ARFGEF3: variants seen among roughly 807,000 people sequenced by gnomAD.
ARFGEF3 encodes the protein brefeldin A-inhibited guanine nucleotide-exchange protein 3.
In ARFGEF3, 96 loss-of-function variants were observed where a neutral mutation model predicts 221.7. The ratio of observed to expected loss-of-function variants is 0.43; its 90% CI spans 0.37 to 0.51. The LOEUF is 0.51. Ranked by LOEUF, ARFGEF3 falls within the 20% of genes least tolerant of loss-of-function variation. The pLI is 0.00. For synonymous variants in ARFGEF3, 1,145 were observed against 1,126.8 expected, an observed-to-expected ratio of 1.02 and a Z score of -0.32; for missense variants, 2,410 against 2,789.9, an observed-to-expected ratio of 0.86 and a Z score of 3.07.
chr6:138,231,713 G>C (rs537593769), intron 5 of ARFGEF3, among the ~76,000 whole-genome samples: 12 of 152,270 alleles, frequency 7.9e-5, no homozygotes, highest in African/African-American at 2.9e-4. Context: ...TTCTCTTCCT[G>C]CTTACTTTTG....
chr6:138,197,176 A>G (rs961697706), intron 2 of ARFGEF3, among the ~76,000 whole-genome samples: 3 of 150,810 alleles, frequency 2.0e-5, no homozygotes, highest in Non-Finnish European at 3.0e-5. Context: ...GTTAAGAACC[A>G]GGACACAAAC....
At chr6:138,321,428 G>A (rs1562215428) in intron 29 of ARFGEF3, among the ~76,000 whole-genome samples, 1 of 152,198 alleles carries the variant, frequency 6.6e-6, no homozygotes, top group African/African-American at 2.4e-5. Flanking sequence ...ATTATACAAA[G>A]TATTCTGGTT....
rs1780157599 is a variant in ARFGEF3 at position 138,328,058 on chromosome 6, C to T, written c.5039C>T (p.Pro1680Leu). 1 of 1,557,652 alleles carries T rather than the reference C, an allele frequency of 6.4e-7. No individual in the cohort carries two copies. The highest frequency in any genetic ancestry group is 1.4e-5 in the African/African-American group (1 of 73,382). Reference protein sequence around the residue: ...MLDTQCSPKTPNNFDHAQSCQ... With the variant: ...MLDTQCSPKTLNNFDHAQSCQ... ...GACACCCAGTGCTCACCAAAGACAC[C>T]AAACAACTTTGACCACGCTCAGTCC... Residue 1680 changes from proline to leucine, a missense_variant, in exon 32 of 34, where the codon CCA becomes CTA. By Grantham distance (98) the Pro-to-Leu change is moderately conservative. This residue lies in a region of ARFGEF3 where 723 missense variants were observed against 991.9 expected (regional missense o/e 0.73). Transcript: ENST00000251691.
At chr6:138,213,287 C>CA (rs36044450) in intron 4 of ARFGEF3, among the ~76,000 whole-genome samples, 9,496 of 90,232 alleles carry the variant, frequency 0.11, 896 homozygotes, top group African/African-American at 0.25. Context: ...GACTCCATCT[C>CA]AAAAAAAAAA....
intron 8 of ARFGEF3, among the ~76,000 whole-genome samples, chr6:138,249,868 T>C (rs1207885391): frequency 6.6e-6 from 1 of 152,208 alleles, no homozygotes; most frequent in African/African-American, 2.4e-5. Flanking sequence ...GGGGGCCTTT[T>C]GCTAAAGATG....
In ARFGEF3 at chr6:138,343,468, GTTT is replaced by G. The variant is rs758784701; in HGVS notation, c.*6990_*6992del. 19 of 142,800 alleles carry G rather than the reference GTTT, an allele frequency of 1.3e-4. No homozygotes were observed. The highest frequency in any genetic ancestry group is 5.0e-4 in the African/African-American group (18 of 36,088). The allele number at this position is 142,800 out of a possible 1,614,324, so 8.8% of individuals were successfully genotyped here. A position where few individuals can be genotyped will look rare whatever the true frequency, so the allele number is the denominator to read the frequency against. ...ATGGAAATAAGGGTGTTTTTTTTTG[GTTT>G]TTTTTTTACTTTAGTTTCCCATAAT... On this transcript the variant is annotated 3_prime_UTR_variant, in exon 34 of 34. Coordinates refer to ENST00000251691, the MANE Select transcript of ARFGEF3 (RefSeq NM_020340.5).
chr6:138,336,643 G>C lies in ARFGEF3; in HGVS notation c.*157G>C. The stretch of plus-strand genomic sequence containing the variant: ...AATGTAAAAAGCCTTTCCAACCACT[G>C]ATCAGCATTGGGGCCATACTAAGGT... On this transcript the variant is annotated 3_prime_UTR_variant, in exon 34 of 34. Transcript: ENST00000251691. The C allele has an allele frequency of 1.8e-6, 1 of 550,498 alleles. No individual in the cohort carries two copies. Among genetic ancestry groups the C allele is most frequent in the Non-Finnish European group, 3.1e-6 (1 of 321,104 alleles). The allele number at this position is 550,498 out of a possible 1,614,324, so 34.1% of individuals were successfully genotyped here.
chr6:138,292,555 C>T (rs920924277), intron 19 of ARFGEF3, among the ~76,000 whole-genome samples: 1 of 152,240 alleles, frequency 6.6e-6, no homozygotes, highest in Non-Finnish European at 1.5e-5. Context: ...ATCGCCTCAA[C>T]TGTTTGGTGG....
intron 31 of ARFGEF3, 78 bp downstream of exon 31, chr6:138,324,232 C>A: frequency 6.6e-7 from 1 of 1,520,682 alleles, no homozygotes; most frequent in Non-Finnish European, 8.9e-7. Context: ...GAAGGTCTCG[C>A]ATCACCAAAT....
At position 138,291,684 on chromosome 6, in the gene ARFGEF3, C is replaced by T; in HGVS notation, c.3048-49C>T. 1.6e-6 allele frequency: 2 copies of T among 1,263,988 alleles called. No individual in the cohort carries two copies. Among genetic ancestry groups the T allele is most frequent in the East Asian group, 3.1e-5 (1 of 31,954 alleles). 78.3% of individuals were successfully genotyped at this position (1,263,988 alleles called of 1,614,324 possible). A position where few individuals can be genotyped will look rare whatever the true frequency, so the allele number is the denominator to read the frequency against. On this transcript the variant is annotated intron_variant, in intron 18 of 33. Coordinates refer to ENST00000251691, the MANE Select transcript of ARFGEF3 (RefSeq NM_020340.5). This position sits in a 1 kb window ranked among gnomAD's most constrained non-coding sequence, Gnocchi z 4.5. ...TGGCACTGTGGGGTTTATGGAGCTGCCGGGGTGAGCTGCAGCGCCTAACAG... is the reference window on the plus strand; with the variant it reads ...TGGCACTGTGGGGTTTATGGAGCTGTCGGGGTGAGCTGCAGCGCCTAACAG...
At chr6:138,167,969 C>A (rs1776754249) in intron 1 of ARFGEF3, among the ~76,000 whole-genome samples, 1 of 152,198 alleles carries the variant, frequency 6.6e-6, no homozygotes, top group Non-Finnish European at 1.5e-5. Context: ...CCCTCTGAGA[C>A]CCTCATGAGA....
chr6:138,198,106 T>C (rs1777465175), intron 2 of ARFGEF3, among the ~76,000 whole-genome samples: 2 of 152,194 alleles, frequency 1.3e-5, no homozygotes. Context: ...AGTTGATGTC[T>C]TGAGGTAAAG....
At chr6:138,258,803 A>C (rs968924935) in intron 10 of ARFGEF3, among the ~76,000 whole-genome samples, 1 of 152,228 alleles carries the variant, frequency 6.6e-6, no homozygotes, top group East Asian at 1.9e-4. Context: ...TTTTATAAGC[A>C]GCAGCAACCT....
In ARFGEF3 at chr6:138,336,441, G is replaced by C; in HGVS notation, c.6489G>C (p.Arg2163Ser). ...ACATCAGAGTTCGCCAGGCTGTGAGGGAGTGGCTGGGCAGGGTGGGCCGTG... is the reference window on the plus strand; with the variant it reads ...ACATCAGAGTTCGCCAGGCTGTGAGCGAGTGGCTGGGCAGGGTGGGCCGTG... Reference protein sequence around the residue: ...VTDIRVRQAVREWLGRVGRVY... With the variant: ...VTDIRVRQAVSEWLGRVGRVY... Residue 2163 changes from arginine to serine, a missense_variant, in exon 34 of 34, where the codon AGG (arginine) becomes AGC (serine). Physicochemically the swap from Arg to Ser is moderately radical, Grantham distance 110. This residue lies in a region of ARFGEF3 where 339 missense variants were observed against 334.9 expected (regional missense o/e 1.01). Transcript: ENST00000251691. 1 of 1,612,980 alleles carries C rather than the reference G, an allele frequency of 6.2e-7. No individual in the cohort carries two copies. The highest frequency in any genetic ancestry group is 1.1e-5 in the South Asian group (1 of 90,774).
intron 4 of ARFGEF3, among the ~76,000 whole-genome samples, chr6:138,213,231 T>C (rs1777766964): frequency 1.4e-5 from 2 of 146,920 alleles, no homozygotes; most frequent in Admixed American, 7.0e-5. Flanking sequence ...GAGCTTATAG[T>C]GAGCTGAGAT....
At chr6:138,298,919 G>A (rs1779574805) in intron 22 of ARFGEF3, 134 bp downstream of exon 22, 1 of 728,916 alleles carries the variant, frequency 1.4e-6, no homozygotes, top group Admixed American at 2.9e-5. Flanking sequence ...GTTAAGCAGG[G>A]CTGGGCGTGG....
intron 26 of ARFGEF3, 130 bp downstream of exon 26, chr6:138,314,069 C>A: frequency 1.1e-6 from 1 of 951,818 alleles, no homozygotes; most frequent in Non-Finnish European, 1.5e-6. Context: ...TAAGAGAATA[C>A]TTGAGAGTGA....
intron 4 of ARFGEF3, among the ~76,000 whole-genome samples, chr6:138,212,422 A>C (rs1201626593): frequency 6.6e-6 from 1 of 152,234 alleles, no homozygotes; most frequent in Non-Finnish European, 1.5e-5. Context: ...TGTTGGTGGG[A>C]GTGTAAATTA....
chr6:138,181,998 C>T lies in ARFGEF3; in HGVS notation c.137+11285C>T, dbSNP rs560623046. Among the ~76,000 whole-genome samples, 5 of 152,160 alleles carry T rather than the reference C, an allele frequency of 3.3e-5. 1 individual carries two copies. Among genetic ancestry groups the T allele is most frequent in the Middle Eastern group, 6.8e-3 (2 of 294 alleles). ...AGTTATTTACATCTTTCTTTTTCAC[C>T]CTGTAGGACTTTTCTTCTGGGAGAA... On this transcript the variant is annotated intron_variant, in intron 2 of 33. Transcript: ENST00000251691.
Sources: gnomAD v4.1 joint callset for allele counts (sites outside exome capture counted in the v4.1 genomes callset) on GRCh38, gnomAD v4.1.1 for gene constraint, gnomAD v4.1.1 regional missense constraint, Gnocchi (gnomAD v3.1) non-coding constraint, MANE v1.5 for transcripts, NCBI Gene and HGNC (gene_info 2026-07-23, HGNC 2026-07-21) for gene names.